Variants in ZC3H14 observed in about 807,000 individuals in gnomAD.
ZC3H14 encodes zinc finger CCCH-type containing 14, also known as zinc finger CCCH domain-containing protein 14.
ZC3H14 carries 31 observed loss-of-function variants against 92.4 expected under a neutral mutation model. The observed-to-expected ratio is 0.34, with a 90% confidence interval of 0.25 to 0.45. The LOEUF is 0.45. Among genes scored for constraint, ZC3H14 ranks in the 20% least tolerant of loss-of-function variants. The probability of loss-of-function intolerance (pLI) is 1.00; values close to 1 mark genes in which losing one functional copy is unlikely to be tolerated. For synonymous variants in ZC3H14, 321 were observed against 300.9 expected (o/e 1.07, Z -0.69); for missense variants, 781 against 897.3 (o/e 0.87, Z 1.66).
chr14:88,574,012 C>G (rs2080838138), intron 6 of ZC3H14, among the ~76,000 whole-genome samples: 1 of 152,150 alleles, frequency 6.6e-6, no homozygotes, highest in Non-Finnish European at 1.5e-5. Flanking sequence ...TGTATCACAT[C>G]TGTATACCTT....
rs76015893 is a variant in ZC3H14 at position 88,583,839 on chromosome 14, T to C, written c.1279+5699T>C. ...GTAGATAAAGCTCTACTGTTAACAT[T>C]ATTCAAATCTTGACCTTGCTGAGTT... On this transcript the variant is annotated intron_variant, in intron 9 of 16. Transcript: ENST00000251038. Among the ~76,000 whole-genome samples, 94 of 152,356 alleles carry C rather than the reference T, an allele frequency of 6.2e-4. 1 individual carries two copies. The East Asian group carries it at 0.01, about 17-fold the overall frequency.
chr14:88,565,784 C>T (rs2079489518), intron 2 of ZC3H14, among the ~76,000 whole-genome samples: 1 of 151,798 alleles, frequency 6.6e-6, no homozygotes, highest in Admixed American at 6.6e-5. Context: ...TCTGTGAGAC[C>T]AGATTTTTTC....
intron 10 of ZC3H14, among the ~76,000 whole-genome samples, chr14:88,599,975 A>G (rs2084377911): frequency 1.3e-5 from 2 of 152,162 alleles, no homozygotes; most frequent in Non-Finnish European, 1.5e-5. Flanking sequence ...GGCCACCCTG[A>G]ATATGTTAAA....
chr14:88,596,982 A>G (rs1297637539), intron 10 of ZC3H14, among the ~76,000 whole-genome samples, 174 bp downstream of exon 10: 2 of 152,098 alleles, frequency 1.3e-5, no homozygotes, highest in Admixed American at 1.3e-4. Context: ...TTCATGTTAT[A>G]TAGTGTTATA....
In ZC3H14 at chr14:88,618,524, A is replaced by C. The variant is rs2088165161; in HGVS notation, c.*6773A>C. 8.2e-7 allele frequency: 1 copy of C among 1,220,844 alleles called. No individual in the cohort carries two copies. 75.6% of individuals were successfully genotyped at this position (1,220,844 alleles called of 1,614,324 possible). A position where few individuals can be genotyped will look rare whatever the true frequency, so the allele number is the denominator to read the frequency against. ...GGGGAGGAAAGGGGAGCTGTAGGTCAGAAGGTACAAAGGGAGGAGTTGAGA... is the reference window on the plus strand; with the variant it reads ...GGGGAGGAAAGGGGAGCTGTAGGTCCGAAGGTACAAAGGGAGGAGTTGAGA... On this transcript the variant is annotated 3_prime_UTR_variant, in exon 17 of 17. Transcript: ENST00000251038.
At chr14:88,569,568 C>T (rs1285852999) in intron 3 of ZC3H14, among the ~76,000 whole-genome samples, 1 of 152,056 alleles carries the variant, frequency 6.6e-6, no homozygotes, top group Non-Finnish European at 1.5e-5. Flanking sequence ...AATGATGTAG[C>T]TGAGAATAGA....
intron 10 of ZC3H14, among the ~76,000 whole-genome samples, chr14:88,598,983 G>A (rs1288608685): frequency 6.6e-6 from 1 of 152,254 alleles, no homozygotes; most frequent in Non-Finnish European, 1.5e-5. Context: ...AGCTACTAAG[G>A]AGGCTGAGGC....
In ZC3H14 at chr14:88,620,740, A is replaced by G. The variant is rs761730056; in HGVS notation, c.*8989A>G. ...AAGTATATACTAGAAACTCTATTCC[A>G]TTTGTTCACTAACCTGATATCATGG... is the stretch of plus-strand genomic sequence containing the variant. On this transcript the variant is annotated 3_prime_UTR_variant, in exon 17 of 17. Coordinates refer to ENST00000251038, the MANE Select transcript of ZC3H14 (RefSeq NM_024824.5). This position sits in a 1 kb window ranked among gnomAD's most constrained non-coding sequence, Gnocchi z 4.3. The G allele has an allele frequency of 2.6e-6, 4 of 1,560,740 alleles. No homozygotes were observed. The East Asian group carries it at 9.1e-5, about 36-fold the overall frequency.
intron 3 of ZC3H14, 23 bp downstream of exon 3, chr14:88,568,176 C>T: frequency 2.5e-6 from 4 of 1,601,966 alleles, no homozygotes; most frequent in Non-Finnish European, 3.4e-6. Flanking sequence ...ATTTTTGTGC[C>T]TCAGACCAAA....
At position 88,622,075 on chromosome 14, in the gene ZC3H14, C is replaced by T; in HGVS notation, c.*10324C>T. 1 of 273,524 alleles carries T rather than the reference C, an allele frequency of 3.7e-6. No homozygotes were observed. Among genetic ancestry groups the T allele is most frequent in the Non-Finnish European group, 7.6e-6 (1 of 131,486 alleles). 16.9% of individuals were successfully genotyped at this position (273,524 alleles called of 1,614,324 possible). A position where few individuals can be genotyped will look rare whatever the true frequency, so the allele number is the denominator to read the frequency against. ...CTCCAGTAACCACTATTCTACTCTC[C>T]ACCTCTGTGGGATCAACTTTTTTAG... On this transcript the variant is annotated 3_prime_UTR_variant, in exon 17 of 17. Transcript: ENST00000251038.
chr14:88,606,354 C>T (rs1388917900), intron 12 of ZC3H14, among the ~76,000 whole-genome samples: 1 of 152,134 alleles, frequency 6.6e-6, no homozygotes, highest in Non-Finnish European at 1.5e-5. Flanking sequence ...TGCTGCTCCC[C>T]GTCTGTCCCT....
intron 9 of ZC3H14, among the ~76,000 whole-genome samples, chr14:88,587,487 T>C (rs2082598504): frequency 6.6e-6 from 1 of 152,120 alleles, no homozygotes; most frequent in African/African-American, 2.4e-5. Context: ...TCTTATATTT[T>C]CTTTCTTGCC....
chr14:88,574,458 T>C (rs2080900738), intron 6 of ZC3H14: 1 of 454,210 alleles, frequency 2.2e-6, no homozygotes, highest in African/African-American at 2.0e-5. Flanking sequence ...TTGGCCAGGC[T>C]GGTCTCGAAA....
At position 88,621,396 on chromosome 14, in the gene ZC3H14, G is replaced by T. The variant is rs764905194; in HGVS notation, c.*9645G>T. On this transcript the variant is annotated 3_prime_UTR_variant, in exon 17 of 17. Transcript: ENST00000251038. ...ATGACCCTATTGACCTGCTTTCAGA[G>T]AACTTTTTGCTTTGAGCTAATCTAG... 4 of 1,502,798 alleles carry T rather than the reference G, an allele frequency of 2.7e-6. No individual in the cohort carries two copies. The highest frequency in any genetic ancestry group is 1.8e-5 in the Admixed American group (1 of 56,886). 93.1% of individuals were successfully genotyped at this position (1,502,798 alleles called of 1,614,324 possible). A position where few individuals can be genotyped will look rare whatever the true frequency, so the allele number is the denominator to read the frequency against.
At chr14:88,573,755 A>G (rs1236363300) in intron 6 of ZC3H14, 1 of 152,190 alleles carries the variant, frequency 6.6e-6, no homozygotes, top group Non-Finnish European at 1.5e-5. Context: ...AGCTGGGATT[A>G]CAGGTGTGTA....
chr14:88,621,743 C>T lies in ZC3H14; in HGVS notation c.*9992C>T, dbSNP rs867084539. On this transcript the variant is annotated 3_prime_UTR_variant, in exon 17 of 17. Coordinates refer to ENST00000251038, the MANE Select transcript of ZC3H14 (RefSeq NM_024824.5). ...TAAATACACTTAATAAGTACAAACA[C>T]GCTCAAAAATTTTCATAGGAGTTGT... The T allele has an allele frequency of 3.0e-4, 102 of 342,366 alleles. No homozygotes were observed. The highest frequency in any genetic ancestry group is 1.7e-3 in the African/African-American group (81 of 46,796). The allele number at this position is 342,366 out of a possible 1,614,324, so 21.2% of individuals were successfully genotyped here.
At chr14:88,603,124 C>T in intron 12 of ZC3H14, 64 bp downstream of exon 12, 2 of 1,498,020 alleles carry the variant, frequency 1.3e-6, no homozygotes, top group Non-Finnish European at 1.9e-6. Flanking sequence ...ACTTGTTTCT[C>T]TACCTTGAAT....
chr14:88,567,136 G>A (rs896857465), intron 2 of ZC3H14, among the ~76,000 whole-genome samples: 2 of 27,944 alleles, frequency 7.2e-5, no homozygotes, highest in African/African-American at 2.1e-4. Flanking sequence ...TTTTTTTTGA[G>A]ACAGAGTCTT....
Position 88,622,035 on chromosome 14 carries a change from CT to C in ZC3H14, c.*10285del, listed in dbSNP as rs2089073827. ...CCAGTCCTTCCCTATCCCCCTCCCC[CT>C]CCCCCTTGTCCGCCTCCAGTAACCA... On this transcript the variant is annotated 3_prime_UTR_variant, in exon 17 of 17. Transcript: ENST00000251038. 2 of 330,034 alleles carry C rather than the reference CT, an allele frequency of 6.1e-6. No individual in the cohort carries two copies. The highest frequency in any genetic ancestry group is 1.3e-5 in the Non-Finnish European group (2 of 159,938). The allele number at this position is 330,034 out of a possible 1,614,324, so 20.4% of individuals were successfully genotyped here.
Sources: gnomAD v4.1 joint callset for allele counts (sites outside exome capture counted in the v4.1 genomes callset) on GRCh38, gnomAD v4.1.1 for gene constraint, Gnocchi (gnomAD v3.1) non-coding constraint, MANE v1.5 for transcripts, NCBI Gene and HGNC (gene_info 2026-07-23, HGNC 2026-07-21) for gene names.